FBXL13: variants seen among roughly 807,000 people sequenced by gnomAD.
FBXL13 encodes F-box and leucine-rich repeat protein 13.
In FBXL13, 67 loss-of-function variants were observed where a neutral mutation model predicts 83.6. That is an observed-to-expected ratio of 0.80 (90% confidence interval 0.66 to 0.98). The LOEUF is 0.98. Among genes scored for constraint, FBXL13 ranks in the 50% least tolerant of loss-of-function variants. The probability of loss-of-function intolerance (pLI) is 0.00; values close to 1 mark genes in which losing one functional copy is unlikely to be tolerated. For synonymous variants in FBXL13, 272 were observed against 299.5 expected, an observed-to-expected ratio of 0.91 and a Z score of 0.95; for missense variants, 822 against 866.5, an observed-to-expected ratio of 0.95 and a Z score of 0.64.
At chr7:103,060,622 T>C (rs1196892888) in intron 1 of FBXL13, among the ~76,000 whole-genome samples, 1 of 152,170 alleles carries the variant, frequency 6.6e-6, no homozygotes, top group Non-Finnish European at 1.5e-5. Flanking sequence ...ATTATAACCC[T>C]TGGTGGACAC....
intron 6 of FBXL13, among the ~76,000 whole-genome samples, chr7:102,974,151 G>C (rs918723046): frequency 2.6e-5 from 4 of 152,170 alleles, no homozygotes; most frequent in African/African-American, 7.2e-5. Flanking sequence ...AGCACTTTGC[G>C]AGGGTGAGGT....
intron 19 of FBXL13, among the ~76,000 whole-genome samples, chr7:102,816,708 A>C (rs139784641): frequency 9.8e-5 from 15 of 152,330 alleles, no homozygotes; most frequent in Admixed American, 5.9e-4. Context: ...TATTGAACCC[A>C]TCAGCCAAAT....
At chr7:103,045,990 A>C (rs1796236204) in intron 2 of FBXL13, among the ~76,000 whole-genome samples, 1 of 152,170 alleles carries the variant, frequency 6.6e-6, no homozygotes, top group Non-Finnish European at 1.5e-5. Context: ...CAAGATTTAA[A>C]ACCTTCGAGA....
intron 6 of FBXL13, among the ~76,000 whole-genome samples, chr7:102,993,727 T>C (rs1829819108): frequency 6.6e-6 from 1 of 152,204 alleles, no homozygotes; most frequent in African/African-American, 2.4e-5. Flanking sequence ...CTAAGCAGCA[T>C]TTCCTAACGG....
At chr7:102,967,260 T>C (rs1826069712) in intron 7 of FBXL13, among the ~76,000 whole-genome samples, 1 of 75,776 alleles carries the variant, frequency 1.3e-5, no homozygotes, top group Admixed American at 1.6e-4. Flanking sequence ...ACCCAGCCAA[T>C]CCTCTCTTTC....
chr7:102,934,332 A>C, intron 8 of FBXL13: 1 of 1,614,164 alleles, frequency 6.2e-7, no homozygotes, highest in African/African-American at 1.3e-5. Context: ...CAGCACAACC[A>C]GATCAAAGTC....
Position 102,967,209 on chromosome 7 carries a change from C to T in FBXL13, c.591+813G>A, listed in dbSNP as rs982121335. Among the ~76,000 whole-genome samples the T allele has an allele frequency of 5.9e-5, 9 of 152,052 alleles. No homozygotes were observed. In the South Asian group the frequency reaches 6.2e-4, roughly 11 times the overall value. On this transcript the variant is annotated intron_variant, in intron 7 of 19. Coordinates refer to ENST00000313221, the Ensembl canonical transcript of FBXL13. ...TCTTGATCTTGTGATCTGCCTGCCT[C>T]GGCCTCCCAGAGTGCTTGGATTATA...
chr7:102,827,643 A>G (rs982409508), intron 18 of FBXL13, among the ~76,000 whole-genome samples: 10 of 151,886 alleles, frequency 6.6e-5, no homozygotes, highest in African/African-American at 2.4e-4. Flanking sequence ...ATCATTTAAC[A>G]TTAGGTATAT....
At chr7:102,898,868 G>A (rs1403726639) in intron 11 of FBXL13, among the ~76,000 whole-genome samples, 1 of 152,024 alleles carries the variant, frequency 6.6e-6, no homozygotes, top group African/African-American at 2.4e-5. Flanking sequence ...TCTCCCTAAA[G>A]CACATCTGGA....
intron 17 of FBXL13, among the ~76,000 whole-genome samples, chr7:102,834,132 AAG>A (rs758294034): frequency 0.034 from 3,047 of 88,990 alleles, 137 homozygotes; most frequent in East Asian, 0.079. Flanking sequence ...GAAAGAAAGA[AAG>A]AAAGAAAAGA....
chr7:102,883,506 T>C, intron 13 of FBXL13, 39 bp from the exon 15 acceptor site: 1 of 1,595,978 alleles, frequency 6.3e-7, no homozygotes, highest in Non-Finnish European at 8.6e-7. Context: ...AGTATTGTAT[T>C]TAGAATGCCA....
intron 10 of FBXL13, among the ~76,000 whole-genome samples, chr7:102,919,736 A>C (rs544468450): frequency 1.3e-5 from 2 of 152,338 alleles, no homozygotes; most frequent in Non-Finnish European, 2.9e-5. Context: ...CATGAAGAGA[A>C]GTTTCTGTTT....
At chr7:102,973,873 G>T (rs1306874364) in intron 6 of FBXL13, 1 of 691,132 alleles carries the variant, frequency 1.4e-6, no homozygotes, top group East Asian at 2.7e-5. Flanking sequence ...GCTCCGACGT[G>T]TGCCAGGTAC....
At chr7:102,815,302 T>C (rs1363738760) in intron 19 of FBXL13, among the ~76,000 whole-genome samples, 2 of 152,196 alleles carry the variant, frequency 1.3e-5, no homozygotes, top group African/African-American at 4.8e-5. Context: ...AATTTTAAAC[T>C]TTGTTATTTT....
intron 6 of FBXL13, among the ~76,000 whole-genome samples, chr7:102,997,780 T>C (rs957991022): frequency 1.3e-5 from 2 of 152,234 alleles, no homozygotes; most frequent in African/African-American, 2.4e-5. Context: ...TCATATTCCA[T>C]TGGGTACGTA....
intron 10 of FBXL13, among the ~76,000 whole-genome samples, chr7:102,925,742 G>A (rs1350383269): frequency 1.3e-5 from 2 of 152,098 alleles, no homozygotes; most frequent in Non-Finnish European, 2.9e-5. Context: ...AGGAGTTTGA[G>A]ACCAGCCTGA....
chr7:102,975,883 T>A (rs1486721221), intron 6 of FBXL13: 2 of 732,914 alleles, frequency 2.7e-6, no homozygotes, highest in Non-Finnish European at 5.0e-6. Flanking sequence ...GCTTGCCTCC[T>A]CCATCAGGGG....
chr7:103,035,714 T>C (rs1239609043), intron 2 of FBXL13, among the ~76,000 whole-genome samples: 1 of 152,226 alleles, frequency 6.6e-6, no homozygotes, highest in Admixed American at 6.5e-5. Flanking sequence ...ATGTAAATCA[T>C]TAACTTTATA....
At chr7:102,968,214 C>G (rs924830656) in intron 6 of FBXL13, 97 bp from the exon 8 acceptor site, 12 of 685,992 alleles carry the variant, frequency 1.7e-5, no homozygotes, top group Non-Finnish European at 2.8e-5. Flanking sequence ...CATGTGCGTG[C>G]ACACACACAC....
Sources: allele counts gnomAD v4.1 joint callset (sites outside exome capture counted in the v4.1 genomes callset), GRCh38; gene constraint gnomAD v4.1.1; transcripts MANE v1.5; gene names NCBI Gene and HGNC (gene_info 2026-07-23, HGNC 2026-07-21).